RNF150: variants seen among roughly 807,000 people sequenced by gnomAD.
RNF150 encodes the protein ring finger protein 150.
RNF150 carries 24 observed loss-of-function variants against 39.3 expected under a neutral mutation model. The observed-to-expected ratio is 0.61, with a 90% confidence interval of 0.44 to 0.86. RNF150 has a LOEUF of 0.86. RNF150 is among the 40% of genes least tolerant of loss of function. The pLI is 0.00. For synonymous variants in RNF150, 255 were observed against 227.3 expected, an observed-to-expected ratio of 1.12 and a Z score of -1.10; for missense variants, 502 against 587.8, an observed-to-expected ratio of 0.85 and a Z score of 1.51.
chr4:140,902,551 A>G (rs1271351343), intron 6 of RNF150, among the ~76,000 whole-genome samples: 1 of 152,166 alleles, frequency 6.6e-6, no homozygotes, highest in African/African-American at 2.4e-5. Context: ...ATGTCAATAG[A>G]ACTTTTTGGT....
intron 5 of RNF150, among the ~76,000 whole-genome samples, chr4:140,922,540 C>T (rs1276661729): frequency 6.6e-6 from 1 of 151,962 alleles, no homozygotes; most frequent in Non-Finnish European, 1.5e-5. Flanking sequence ...AATGGCCATA[C>T]TGCCCAAGGT....
chr4:140,918,571 T>A (rs12330936), intron 5 of RNF150, among the ~76,000 whole-genome samples: 83,225 of 151,154 alleles, frequency 0.55, 23,376 homozygotes, highest in East Asian at 0.89. Flanking sequence ...AGAGTCCAGG[T>A]CCAGATGGAT....
intron 1 of RNF150, among the ~76,000 whole-genome samples, chr4:141,045,280 T>C (rs1030136096): frequency 3.9e-5 from 6 of 152,356 alleles, no homozygotes; most frequent in East Asian, 1.9e-4. Flanking sequence ...TGTATAAGCA[T>C]TGTTTCTGAG....
At chr4:141,007,811 G>A (rs1034157897) in intron 1 of RNF150, among the ~76,000 whole-genome samples, 1 of 152,168 alleles carries the variant, frequency 6.6e-6, no homozygotes, top group African/African-American at 2.4e-5. Context: ...GGTGCATCTG[G>A]TTGATCCCAG....
At chr4:140,935,239 C>A (rs1041728941) in intron 4 of RNF150, among the ~76,000 whole-genome samples, 10 of 151,446 alleles carry the variant, frequency 6.6e-5, no homozygotes, top group Non-Finnish European at 1.2e-4. Flanking sequence ...ACATCAATTT[C>A]TTTTTAAACT....
chr4:140,974,053 TG>T (rs1436533862), intron 1 of RNF150, among the ~76,000 whole-genome samples: 1 of 152,072 alleles, frequency 6.6e-6, no homozygotes, highest in Non-Finnish European at 1.5e-5. Context: ...CACCAGTTTT[TG>T]CATGTACAAA....
chr4:141,177,899 A>G (rs1268786803), intron 1 of RNF150, among the ~76,000 whole-genome samples: 3 of 152,198 alleles, frequency 2.0e-5, no homozygotes, highest in South Asian at 2.1e-4. Context: ...TACTGCTATA[A>G]GAATAAACTG....
At chr4:141,186,237 A>G (rs939177870) in intron 1 of RNF150, among the ~76,000 whole-genome samples, 3 of 152,154 alleles carry the variant, frequency 2.0e-5, no homozygotes, top group Non-Finnish European at 1.5e-5. Flanking sequence ...CAAGGACTCG[A>G]CTTCTTCCTG....
intron 1 of RNF150, among the ~76,000 whole-genome samples, chr4:141,209,634 G>T (rs1578798278): frequency 6.6e-6 from 1 of 151,970 alleles, no homozygotes; most frequent in Non-Finnish European, 1.5e-5. Context: ...CCCATTTTTT[G>T]ATTGGGTTGC....
intron 6 of RNF150, among the ~76,000 whole-genome samples, chr4:140,896,430 C>T (rs202158221): frequency 0.088 from 2,679 of 30,408 alleles, 140 homozygotes; most frequent in East Asian, 0.25. Context: ...AGTAAACTAT[C>T]GCAAGAACAA....
chr4:141,043,351 C>A (rs756192221), intron 1 of RNF150, among the ~76,000 whole-genome samples: 6 of 152,094 alleles, frequency 3.9e-5, no homozygotes, highest in Non-Finnish European at 7.4e-5. Flanking sequence ...GATGACAACA[C>A]AGAAGGGTTT....
At chr4:141,093,550 AG>A (rs989944931) in intron 1 of RNF150, among the ~76,000 whole-genome samples, 1 of 152,328 alleles carries the variant, frequency 6.6e-6, no homozygotes, top group South Asian at 2.1e-4. Context: ...TCCCCACCAC[AG>A]GCACAGATTT....
chr4:141,145,899 T>C (rs1216513035), intron 1 of RNF150, among the ~76,000 whole-genome samples: 7 of 152,290 alleles, frequency 4.6e-5, no homozygotes, highest in Middle Eastern at 3.4e-3. Context: ...TGTCTCAGGG[T>C]ATCATTGTGT....
chr4:141,024,803 A>G (rs547773419), intron 1 of RNF150, among the ~76,000 whole-genome samples: 2 of 152,220 alleles, frequency 1.3e-5, no homozygotes, highest in South Asian at 4.1e-4. Context: ...ATAAAGATAT[A>G]AGATTTGATT....
chr4:141,119,328 T>A (rs932922075), intron 1 of RNF150, among the ~76,000 whole-genome samples: 1 of 152,192 alleles, frequency 6.6e-6, no homozygotes, highest in South Asian at 2.1e-4. Context: ...GCAGTCCATA[T>A]ACAAAGAGAC....
chr4:141,043,327 C>G (rs186928749), intron 1 of RNF150, among the ~76,000 whole-genome samples: 2 of 152,136 alleles, frequency 1.3e-5, no homozygotes, highest in Admixed American at 6.6e-5. Context: ...AAGCAAGATA[C>G]CAGTCCATAC....
Position 141,008,320 on chromosome 4 carries a change from A to G in RNF150, c.485-40447T>C, listed in dbSNP as rs138240466. 7.2e-5 allele frequency among the ~76,000 whole-genome samples: 11 copies of G among 152,208 alleles called. No homozygotes were observed. In the East Asian group the frequency reaches 1.7e-3, roughly 24 times the overall value. On this transcript the variant is annotated intron_variant, in intron 1 of 6. Transcript: ENST00000515673. Reference sequence around the variant, plus strand: ...AATTTGTATCCATTCTTTAATCTGTATATGTCTTTTATTGGATATATGTAT... The same window carrying G: ...AATTTGTATCCATTCTTTAATCTGTGTATGTCTTTTATTGGATATATGTAT...
rs1560959311 is a variant in RNF150, at chr4:140,908,461, G to GTCTTCTGACTGTAGGATTCATATATA, written c.1198+2682_1198+2683insTATATATGAATCCTACAGTCAGAAGA. 2.0e-5 allele frequency among the ~76,000 whole-genome samples: 3 copies of GTCTTCTGACTGTAGGATTCATATATA among 152,066 alleles called. No homozygotes were observed. In the East Asian group the frequency reaches 5.8e-4, roughly 29 times the overall value. The stretch of plus-strand genomic sequence containing the variant: ...GAAACTGATAGCCATATTCATATAT[G>GTCTTCTGACTGTAGGATTCATATATA]CCATCAGTCTTCTGACTGTAGGTAT... On this transcript the variant is annotated intron_variant, in intron 6 of 6. Coordinates refer to ENST00000515673, the MANE Select transcript of RNF150 (RefSeq NM_020724.2).
intron 1 of RNF150, among the ~76,000 whole-genome samples, chr4:141,110,706 C>T (rs150806123): frequency 4.4e-4 from 67 of 152,108 alleles, no homozygotes; most frequent in African/African-American, 1.5e-3. Flanking sequence ...AACCATCTTG[C>T]TTGGCCCAAC....
Sources: gnomAD v4.1 joint callset for allele counts (sites outside exome capture counted in the v4.1 genomes callset) on GRCh38, gnomAD v4.1.1 for gene constraint, MANE v1.5 for transcripts, NCBI Gene and HGNC (gene_info 2026-07-23, HGNC 2026-07-21) for gene names.